The following WDR13 variants were observed in gnomAD, a reference collection of about 807,000 sequenced individuals.
The protein encoded by WDR13 is WD repeat domain 13, also known as WD repeat-containing protein 13.
Under a neutral mutation model 28.6 loss-of-function variants are expected in WDR13, and 1 was observed. That is an observed-to-expected ratio of 0.03 (90% CI 0.01 to 0.17). WDR13 has a LOEUF of 0.17. Among genes scored for constraint, WDR13 ranks in the 10% least tolerant of loss-of-function variants. WDR13 has a pLI of 1.00. For synonymous variants in WDR13, 201 were observed against 185.9 expected (o/e 1.08, Z -0.66); for missense variants, 264 against 469.3 (o/e 0.56, Z 4.04).
intron 2 of WDR13, 173 bp downstream of exon 2, chrX:48,598,210 A>G (rs2062156419): frequency 1.8e-6 from 2 of 1,119,785 alleles, no homozygotes; most frequent in Non-Finnish European, 2.3e-6. Flanking sequence ...TGCGCCGGAG[A>G]GGATTCTAAA....
In WDR13 at chrX:48,604,842, C is replaced by T. The variant is rs782775494; in HGVS notation, c.1274-6C>T. The T allele has an allele frequency of 9.2e-6, 11 of 1,201,844 alleles. No homozygotes were observed. The highest frequency in any genetic ancestry group is 7.0e-5 in the African/African-American group (4 of 57,230). The stretch of plus-strand genomic sequence containing the variant: ...TCCCGATGGCCTCTCCCTCTCACCC[C>T]GACAGTGACGGGCAGTGAGGACATG... On this transcript the variant is annotated splice_polypyrimidine_tract_variant and splice_region_variant and intron_variant, in intron 9 of 9. Transcript: ENST00000376729.
At chrX:48,598,649 C>CT in intron 2 of WDR13, 68 bp from the exon 3 acceptor site, 1 of 791,628 alleles carries the variant, frequency 1.3e-6, no homozygotes, top group Non-Finnish European at 1.6e-6. Flanking sequence ...CTGCCGTACC[C>CT]CCCCCCCCGA....
intron 5 of WDR13, 197 bp from the exon 6 acceptor site, chrX:48,600,122 T>A (rs2062173349): frequency 2.3e-6 from 1 of 442,614 alleles, no homozygotes; most frequent in African/African-American, 2.4e-5. Flanking sequence ...GCAAAGGAGC[T>A]GCTAAGACTT....
rs1052602203 is a variant in WDR13 at position 48,605,860 on chromosome X, G to A, written c.*828G>A. 10 of 111,162 alleles carry A rather than the reference G, an allele frequency of 9.0e-5. No individual in the cohort carries two copies. The highest frequency in any genetic ancestry group is 1.1e-4 in the Non-Finnish European group (6 of 53,137). The allele number at this position is 111,162 out of a possible 1,213,427, so 9.2% of individuals were successfully genotyped here. A position where few individuals can be genotyped will look rare whatever the true frequency, so the allele number is the denominator to read the frequency against. ...ATTACAGGCATGAACCACCACGCCT[G>A]GCTCAGGGTGACATTTAAAGACCTG... On this transcript the variant is annotated 3_prime_UTR_variant, in exon 10 of 10. Coordinates refer to ENST00000376729, the MANE Select transcript of WDR13 (RefSeq NM_001347217.2).
chrX:48,598,878 C>G lies in WDR13; in HGVS notation c.203C>G (p.Pro68Arg). ...CAGCTGCTGGGCCAGCGCTACGGGC[C>G]CCTCTCCGAGCCAGGCAGTGCTCGT... ...RGQLLGQRYGPLSEPGSARAY... is the reference protein window; with the variant it reads ...RGQLLGQRYGRLSEPGSARAY... Residue 68 changes from proline to arginine, a missense_variant, in exon 3 of 10, where the codon CCC (proline) becomes CGC (arginine). Coordinates refer to ENST00000376729, the MANE Select transcript of WDR13 (RefSeq NM_001347217.2). The G allele has an allele frequency of 1.7e-6, 2 of 1,209,932 alleles. No homozygotes were observed. Among genetic ancestry groups the G allele is most frequent in the Non-Finnish European group, 2.2e-6 (2 of 894,909 alleles).
intron 9 of WDR13, 42 bp from the exon 10 acceptor site, chrX:48,604,806 C>T (rs1392307215): frequency 8.5e-7 from 1 of 1,182,669 alleles, no homozygotes; most frequent in Non-Finnish European, 1.1e-6. Flanking sequence ...ACCAGGGGCA[C>T]CCCAGGCGCC....
At position 48,598,149 on chromosome X, in the gene WDR13, G is replaced by A. The variant is rs371899552; in HGVS notation, c.41+112G>A. 8 of 1,141,532 alleles carry A rather than the reference G, an allele frequency of 7.0e-6. No homozygotes were observed. The African/African-American group carries it at 7.3e-5, about 10-fold the overall frequency. 94.1% of individuals were successfully genotyped at this position (1,141,532 alleles called of 1,213,427 possible). On this transcript the variant is annotated intron_variant, in intron 2 of 9. Coordinates refer to ENST00000376729, the MANE Select transcript of WDR13 (RefSeq NM_001347217.2). ...CCTTATGCGGCTGCGTGGGCATGCCGGAGGTGAGCATGCGCAGTAGCGGGG... is the reference window on the plus strand; with the variant it reads ...CCTTATGCGGCTGCGTGGGCATGCCAGAGGTGAGCATGCGCAGTAGCGGGG...
At chrX:48,597,682 T>G in intron 1 of WDR13, 68 bp downstream of exon 1, 32 of 263,826 alleles carry the variant, frequency 1.2e-4, no homozygotes, top group East Asian at 3.6e-4. Context: ...GGGGACAAGA[T>G]GGGTGGAGAA....
At chrX:48,602,023 C>T (rs781815623) in intron 7 of WDR13, 42 bp from the exon 8 acceptor site, 3 of 1,201,518 alleles carry the variant, frequency 2.5e-6, no homozygotes, top group East Asian at 3.0e-5. Flanking sequence ...CAGGGCACAG[C>T]CCTCACCCTC....
Position 48,607,039 on chromosome X carries a change from T to C in WDR13, c.*2007T>C, listed in dbSNP as rs931483362. On this transcript the variant is annotated 3_prime_UTR_variant, in exon 10 of 10. Coordinates refer to ENST00000376729, the MANE Select transcript of WDR13 (RefSeq NM_001347217.2). ...CCATGGTAAAGGTCATGTATGTGTG[T>C]GTGTGTCATGGTCCTCAATACCAGC... is the stretch of plus-strand genomic sequence containing the variant. 2.7e-5 allele frequency: 3 copies of C among 110,991 alleles called. No homozygotes were observed. The highest frequency in any genetic ancestry group is 1.9e-5 in the Non-Finnish European group (1 of 53,008). 9.1% of individuals were successfully genotyped at this position (110,991 alleles called of 1,213,427 possible).
chrX:48,600,259 TAGAG>T, intron 5 of WDR13, 56 bp from the exon 6 acceptor site: 23 of 1,138,921 alleles, frequency 2.0e-5, no homozygotes, highest in Non-Finnish European at 2.7e-5. Context: ...CAGAGCCTTT[TAGAG>T]AGAAAAGTGC....
intron 5 of WDR13, 87 bp downstream of exon 5, chrX:48,599,804 C>A: frequency 8.8e-7 from 1 of 1,137,775 alleles, no homozygotes; most frequent in Non-Finnish European, 1.2e-6. Flanking sequence ...AATCCAAGGC[C>A]CCTGGCACAC....
chrX:48,602,068 A>G lies in WDR13; in HGVS notation c.1016A>G (p.Lys339Arg), dbSNP rs1399302379. ...TTCCCTCCCTCTGCTGCTGCAGGGA[A>G]GCTGACCAAAGCCAAGCGTTTGGTG... ...FSFLFDMATG[K>R]LTKAKRLVVH... The change falls in exon 8 of 10, where the codon AAG (lysine) becomes AGG (arginine). Residue 339 changes from lysine (K) to arginine (R), a missense_variant. Transcript: ENST00000376729. 6 of 1,208,837 alleles carry G rather than the reference A, an allele frequency of 5.0e-6. No homozygotes were observed. The highest frequency in any genetic ancestry group is 6.7e-6 in the Non-Finnish European group (6 of 893,952).
At position 48,606,269 on chromosome X, in the gene WDR13, C is replaced by CG. The variant is rs1240800475; in HGVS notation, c.*1242dup. The stretch of plus-strand genomic sequence containing the variant: ...AGGGTAGTGACAGTGGAGGAGTTGG[C>CG]GGGGGAATGTTGGGTCGGACCCCCA... On this transcript the variant is annotated 3_prime_UTR_variant, in exon 10 of 10. Transcript: ENST00000376729. The CG allele has an allele frequency of 9.5e-6, 1 of 105,155 alleles. No individual in the cohort carries two copies. Among genetic ancestry groups the CG allele is most frequent in the African/African-American group, 3.5e-5 (1 of 28,461 alleles). 8.7% of individuals were successfully genotyped at this position (105,155 alleles called of 1,213,427 possible).
intron 2 of WDR13, 102 bp from the exon 3 acceptor site, chrX:48,598,615 G>T: frequency 9.0e-7 from 1 of 1,105,194 alleles, no homozygotes; most frequent in Admixed American, 3.4e-5. Context: ...CTAGGCCCCA[G>T]TCACTGCCAC....
intron 2 of WDR13, 65 bp downstream of exon 2, chrX:48,598,102 G>A (rs1049160201): frequency 1.7e-6 from 2 of 1,156,057 alleles, no homozygotes; most frequent in Non-Finnish European, 2.3e-6. Context: ...ATGGCGATAA[G>A]TGAGGCTGGG....
At chrX:48,599,534 T>G (rs2062168965) in intron 4 of WDR13, 53 bp from the exon 5 acceptor site, 2 of 1,208,576 alleles carry the variant, frequency 1.7e-6, no homozygotes, top group Non-Finnish European at 2.2e-6. Context: ...AATGGCAGAC[T>G]GAACACTCTC....
rs145762043 is a variant in WDR13, at chrX:48,603,951, A to G, written c.1155-321A>G. On this transcript the variant is annotated intron_variant, in intron 8 of 9. Coordinates refer to ENST00000376729, the MANE Select transcript of WDR13 (RefSeq NM_001347217.2). ...ATCAGTAACTCACACATCAGCCCCT[A>G]CTTATAGTTTATGTAGTCATCTCAG... 3.6e-5 allele frequency among the ~76,000 whole-genome samples: 4 copies of G among 111,256 alleles called. No homozygotes were observed. In the East Asian group the frequency reaches 1.1e-3, roughly 32 times the overall value.
intron 6 of WDR13, among the ~76,000 whole-genome samples, chrX:48,601,234 A>G (rs1321434139): frequency 8.9e-6 from 1 of 112,714 alleles, no homozygotes; most frequent in Non-Finnish European, 1.9e-5. Flanking sequence ...TGCAGGGGCT[A>G]CCTCTGAGGA....
Sources: allele counts gnomAD v4.1 joint callset (sites outside exome capture counted in the v4.1 genomes callset), GRCh38; gene constraint gnomAD v4.1.1; transcripts MANE v1.5; gene names NCBI Gene and HGNC (gene_info 2026-07-23, HGNC 2026-07-21).